Variants in CAMTA1 observed in about 807,000 individuals in gnomAD.
CAMTA1 encodes the protein calmodulin-binding transcription activator 1.
CAMTA1 carries 27 observed loss-of-function variants against 170.9 expected under a neutral mutation model. That is an observed-to-expected ratio of 0.16 (90% CI 0.12 to 0.22). The LOEUF (loss-of-function observed/expected upper bound fraction) is 0.22. Ranked by LOEUF, CAMTA1 falls within the 10% of genes least tolerant of loss-of-function variation. The probability of loss-of-function intolerance (pLI) is 1.00; values close to 1 mark genes in which losing one functional copy is unlikely to be tolerated. For missense variants in CAMTA1, 1,619 were observed against 2,217.2 expected (o/e 0.73, Z 5.42); for synonymous variants, 833 against 891.5 (o/e 0.93, Z 1.17).
Position 6,793,045 on chromosome 1 carries a change from C to G in CAMTA1, c.45+7470C>G, listed in dbSNP as rs764342446. On this transcript the variant is annotated intron_variant, in intron 1 of 22. Transcript: ENST00000303635. ...ATATCTTATATATATATACCCCACTCTTATATATATATATACCCCACTCTT... is the reference window on the plus strand; with the variant it reads ...ATATCTTATATATATATACCCCACTGTTATATATATATATACCCCACTCTT... 2.6e-5 allele frequency among the ~76,000 whole-genome samples: 4 copies of G among 151,982 alleles called. No homozygotes were observed. The East Asian group carries it at 5.8e-4, about 22-fold the overall frequency.
At position 7,083,450 on chromosome 1, in the gene CAMTA1, C is replaced by T. The variant is rs533717133; in HGVS notation, c.235-7854C>T. Among the ~76,000 whole-genome samples, 16 of 152,220 alleles carry T rather than the reference C, an allele frequency of 1.1e-4. No individual in the cohort carries two copies. In the South Asian group the frequency reaches 1.7e-3, roughly 16 times the overall value. ...GGTTTAGACCTGTGGGTGGGGGGTC[C>T]GGGATATCCTGTGCAGGGTGTTGGC... On this transcript the variant is annotated intron_variant, in intron 3 of 22. Transcript: ENST00000303635.
intron 3 of CAMTA1, among the ~76,000 whole-genome samples, chr1:7,060,482 C>T (rs957392888): frequency 5.3e-5 from 8 of 152,190 alleles, no homozygotes; most frequent in Admixed American, 2.6e-4. Context: ...AGTCACATGC[C>T]GAGATGCTGG....
intron 1 of CAMTA1, among the ~76,000 whole-genome samples, chr1:6,789,803 T>A (rs1458369401): frequency 2.3e-5 from 3 of 128,124 alleles, no homozygotes; most frequent in Non-Finnish European, 4.9e-5. Context: ...TTTTAGTGTA[T>A]CTTTTTTTTT....
chr1:6,787,738 T>C (rs913552774), intron 1 of CAMTA1, among the ~76,000 whole-genome samples: 3 of 152,238 alleles, frequency 2.0e-5, no homozygotes, highest in Non-Finnish European at 4.4e-5. Flanking sequence ...TCCTGCGTGT[T>C]CACCAAGTCC....
chr1:6,904,455 T>G (rs1024226382), intron 3 of CAMTA1, among the ~76,000 whole-genome samples: 2 of 152,204 alleles, frequency 1.3e-5, no homozygotes, highest in Admixed American at 1.3e-4. Flanking sequence ...TCTGGACTGT[T>G]TTCTGATTTA....
chr1:6,823,058 G>A lies in CAMTA1; in HGVS notation c.116-2034G>A, dbSNP rs1017984417. ...TCCATTGAGCAACCAGTATAGTGCC[G>A]TTTTCATAAAAGGTACCTGTAAATG... On this transcript the variant is annotated intron_variant, in intron 2 of 22. Transcript: ENST00000303635. Among the ~76,000 whole-genome samples, 10 of 151,996 alleles carry A rather than the reference G, an allele frequency of 6.6e-5. No homozygotes were observed. In the East Asian group the frequency reaches 9.6e-4, roughly 15 times the overall value.
chr1:7,643,479 TCTC>T (rs1389177129), intron 7 of CAMTA1, among the ~76,000 whole-genome samples: 1 of 152,142 alleles, frequency 6.6e-6, no homozygotes, highest in African/African-American at 2.4e-5. Context: ...AGACAGCCCT[TCTC>T]CTTCAGCCAT....
At chr1:6,921,640 G>A (rs1193951861) in intron 3 of CAMTA1, among the ~76,000 whole-genome samples, 1 of 152,146 alleles carries the variant, frequency 6.6e-6, no homozygotes, top group Non-Finnish European at 1.5e-5. Context: ...AGGTTTAATT[G>A]GACTCACAGT....
intron 3 of CAMTA1, among the ~76,000 whole-genome samples, chr1:7,049,602 G>T (rs1705980733): frequency 1.3e-5 from 2 of 151,940 alleles, no homozygotes. Flanking sequence ...GATTATAGGG[G>T]CCCACCACCA....
intron 5 of CAMTA1, among the ~76,000 whole-genome samples, chr1:7,255,858 C>G (rs1035577762): frequency 1.3e-5 from 2 of 152,130 alleles, no homozygotes; most frequent in African/African-American, 4.8e-5. Flanking sequence ...ATACGTTTAT[C>G]CTCGTTGGTT....
At chr1:7,419,211 C>G (rs941299402) in intron 5 of CAMTA1, among the ~76,000 whole-genome samples, 3 of 23,906 alleles carry the variant, frequency 1.3e-4, no homozygotes, top group Non-Finnish European at 2.9e-4. Context: ...GGCTGGAATG[C>G]AGGGCACGAT....
intron 1 of CAMTA1, among the ~76,000 whole-genome samples, chr1:6,819,479 G>C (rs1646245147): frequency 6.6e-6 from 1 of 151,998 alleles, no homozygotes; most frequent in Non-Finnish European, 1.5e-5. Context: ...GGGTGAGTCG[G>C]GTGTTGGGTT....
At chr1:6,907,364 C>T (rs368301489) in intron 3 of CAMTA1, among the ~76,000 whole-genome samples, 2 of 152,130 alleles carry the variant, frequency 1.3e-5, no homozygotes, top group Middle Eastern at 3.4e-3. Context: ...GCTCTCCCGG[C>T]GCCCCCTCCT....
At chr1:7,240,283 C>T (rs1043195154) in intron 4 of CAMTA1, among the ~76,000 whole-genome samples, 10 of 152,156 alleles carry the variant, frequency 6.6e-5, no homozygotes, top group African/African-American at 2.4e-4. Context: ...ACAGTTTGTA[C>T]AGGAAAGGCA....
rs1666292977 is a variant in CAMTA1 at position 7,249,344 on chromosome 1, G to C, written c.303-147G>C. ...GGCCATAAAACATGGTTAATCCAGG[G>C]AGATGCAATAAAAGGTGAAAAATTA... On this transcript the variant is annotated intron_variant, in intron 4 of 22. Transcript: ENST00000303635. The surrounding 1 kb of genome is among the most constrained non-coding windows in gnomAD (Gnocchi z 4.4). 1 of 806,688 alleles carries C rather than the reference G, an allele frequency of 1.2e-6. No homozygotes were observed. The highest frequency in any genetic ancestry group is 1.9e-6 in the Non-Finnish European group (1 of 519,516). The allele number at this position is 806,688 out of a possible 1,614,324, so 50.0% of individuals were successfully genotyped here.
Position 7,300,258 on chromosome 1 carries a change from C to T in CAMTA1, c.438+50632C>T, listed in dbSNP as rs1161385145. Among the ~76,000 whole-genome samples the T allele has an allele frequency of 6.6e-6, 1 of 152,208 alleles. No homozygotes were observed. Among genetic ancestry groups the T allele is most frequent in the Non-Finnish European group, 1.5e-5 (1 of 68,034 alleles). ...TCCAAGGGTCTCCCCTAGACCCTGGCACAGAATCACCCTGGTCCCCACTCT... is the reference window on the plus strand; with the variant it reads ...TCCAAGGGTCTCCCCTAGACCCTGGTACAGAATCACCCTGGTCCCCACTCT... On this transcript the variant is annotated intron_variant, in intron 5 of 22. Coordinates refer to ENST00000303635, the MANE Select transcript of CAMTA1 (RefSeq NM_015215.4). The surrounding 1 kb of genome is among the most constrained non-coding windows in gnomAD (Gnocchi z 4.1).
rs1692410348 is a variant in CAMTA1 at position 6,970,902 on chromosome 1, A to G, written c.235-120402A>G. On this transcript the variant is annotated intron_variant, in intron 3 of 22. Coordinates refer to ENST00000303635, the MANE Select transcript of CAMTA1 (RefSeq NM_015215.4). This position sits in a 1 kb window ranked among gnomAD's most constrained non-coding sequence, Gnocchi z 4.4. ...ACCGTTGCTGGCTGTGGTCCTCTGC[A>G]GGGACCACTGCTGTGTCTGTTTCCA... Among the ~76,000 whole-genome samples the G allele has an allele frequency of 3.3e-5, 5 of 152,164 alleles. No individual in the cohort carries two copies. The highest frequency in any genetic ancestry group is 3.3e-4 in the Admixed American group (5 of 15,282).
intron 6 of CAMTA1, among the ~76,000 whole-genome samples, chr1:7,619,058 C>T (rs1379930625): frequency 2.0e-5 from 3 of 152,130 alleles, no homozygotes; most frequent in African/African-American, 7.2e-5. Context: ...GTGTGGCTTC[C>T]CCCTAGTCAA....
chr1:6,917,658 C>T (rs1019349221), intron 3 of CAMTA1, among the ~76,000 whole-genome samples: 1 of 151,910 alleles, frequency 6.6e-6, no homozygotes, highest in African/African-American at 2.4e-5. Context: ...AGTTGGAGGC[C>T]GCCCTGAGAC....
Sources: gnomAD v4.1 joint callset for allele counts (sites outside exome capture counted in the v4.1 genomes callset) on GRCh38, gnomAD v4.1.1 for gene constraint, Gnocchi (gnomAD v3.1) non-coding constraint, MANE v1.5 for transcripts, NCBI Gene and HGNC (gene_info 2026-07-23, HGNC 2026-07-21) for gene names.